Variants in ERAP1 observed in about 807,000 individuals in gnomAD.
ERAP1 encodes the protein endoplasmic reticulum aminopeptidase 1.
In ERAP1, 86 loss-of-function variants were observed where a neutral mutation model predicts 103.7. The ratio of observed to expected loss-of-function variants is 0.83; its 90% CI spans 0.70 to 0.99. The LOEUF is 0.99. Among genes scored for constraint, ERAP1 ranks in the 50% least tolerant of loss-of-function variants. The probability of loss-of-function intolerance (pLI) is 0.00; values close to 1 mark genes in which losing one functional copy is unlikely to be tolerated. For missense variants in ERAP1, 1,009 were observed against 1,128.4 expected (o/e 0.89, Z 1.52); for synonymous variants, 398 against 402.4 (o/e 0.99, Z 0.13).
the ERAP1 span, chr5:96,883,857 C>A: frequency 1.9e-6 from 3 of 1,613,724 alleles, no homozygotes; most frequent in South Asian, 1.1e-5. Context: ...TTTGATGAAC[C>A]GTTGTTCAAA....
intron 19 of ERAP1, chr5:96,763,355 T>A: frequency 1.4e-6 from 1 of 708,906 alleles, no homozygotes; most frequent in Non-Finnish European, 2.6e-6. Flanking sequence ...TGTGTGTGTA[T>A]GTGCATGTGC....
the ERAP1 span, chr5:96,873,754 T>A: frequency 3.1e-6 from 1 of 320,076 alleles, no homozygotes; most frequent in Non-Finnish European, 6.2e-6. Flanking sequence ...GTTGAGGGTC[T>A]CTTATATGGC....
the ERAP1 span, among the ~76,000 whole-genome samples, chr5:96,879,343 C>T: frequency 6.6e-6 from 1 of 152,186 alleles, no homozygotes; most frequent in Non-Finnish European, 1.5e-5. Context: ...AAATTCATTA[C>T]ATTCAATTTT....
the ERAP1 span, among the ~76,000 whole-genome samples, chr5:96,928,859 T>A: frequency 6.6e-6 from 1 of 152,162 alleles, no homozygotes; most frequent in Non-Finnish European, 1.5e-5. Flanking sequence ...AAGCTGGTGA[T>A]CAGCAGCTTC....
the ERAP1 span, among the ~76,000 whole-genome samples, chr5:96,903,901 A>T: frequency 6.6e-6 from 1 of 152,204 alleles, no homozygotes; most frequent in Non-Finnish European, 1.5e-5. Flanking sequence ...TCTTTAGGCC[A>T]GGCCTACTTT....
At chr5:96,771,526 G>A, downstream of ERAP1, 3 of 661,544 alleles carry the variant, frequency 4.5e-6, no homozygotes, top group Non-Finnish European at 7.9e-6. Flanking sequence ...GAAACTGAAA[G>A]GACCATCTTA....
the ERAP1 span, chr5:96,873,669 C>A: frequency 6.1e-6 from 2 of 325,988 alleles, no homozygotes; most frequent in South Asian, 2.4e-5. Context: ...AAGTGTTGGG[C>A]AATCTAAGGA....
chr5:96,896,720 T>A, the ERAP1 span: 1 of 1,560,812 alleles, frequency 6.4e-7, no homozygotes, highest in East Asian at 2.3e-5. Flanking sequence ...ACTCTTTTGT[T>A]TTTTTTTAAA....
the ERAP1 span, among the ~76,000 whole-genome samples, chr5:96,882,346 G>T: frequency 1.2e-4 from 19 of 152,266 alleles, no homozygotes; most frequent in East Asian, 2.7e-3. Context: ...AAAGCTGTAG[G>T]ACTTTCCAGC....
At chr5:96,892,347 GCCTCATT>G in the ERAP1 span, 1 of 1,613,888 alleles carries the variant, frequency 6.2e-7, no homozygotes, top group Non-Finnish European at 8.5e-7. Flanking sequence ...GAAAATTGGG[GCCTCATT>G]ACATATAGGG....
chr5:96,882,794 C>T, the ERAP1 span, among the ~76,000 whole-genome samples: 1 of 152,198 alleles, frequency 6.6e-6, no homozygotes, highest in Admixed American at 6.5e-5. Flanking sequence ...GTTTCCCAGC[C>T]TGTGTCATAG....
intron 1 of ERAP1, among the ~76,000 whole-genome samples, chr5:96,806,942 C>T (rs1283831344): frequency 6.7e-6 from 1 of 148,764 alleles, no homozygotes; most frequent in Non-Finnish European, 1.5e-5. Context: ...CAAGAGACAA[C>T]TGTGCCCAAT....
At chr5:96,912,950 C>A in the ERAP1 span, 1 of 641,424 alleles carries the variant, frequency 1.6e-6, no homozygotes, top group Non-Finnish European at 2.6e-6. Context: ...AATATATTGA[C>A]AAAATGCAAA....
Position 96,803,477 on chromosome 5 carries a change from GTGAATGACAAC to G in ERAP1, c.439_449del (p.Val147LeufsTer33). ...AAGTCTCCGAAAGATTGCCAGCATAGTGAATGACAACTGTGTACGGGAGCCCGACAAGGAGG... is the reference window on the plus strand; with the variant it reads ...AAGTCTCCGAAAGATTGCCAGCATAGTGTGTACGGGAGCCCGACAAGGAGG... On this transcript the variant is annotated frameshift_variant, in exon 2 of 19. Transcript: ENST00000443439. LOFTEE classifies it high-confidence loss of function. 6.2e-7 allele frequency: 1 copy of G among 1,613,504 alleles called. No individual in the cohort carries two copies. Among genetic ancestry groups the G allele is most frequent in the South Asian group, 1.1e-5 (1 of 90,938 alleles).
chr5:96,911,734 A>G, the ERAP1 span, among the ~76,000 whole-genome samples: 2 of 151,740 alleles, frequency 1.3e-5, no homozygotes, highest in Non-Finnish European at 2.9e-5. Context: ...TTAGCCGGGC[A>G]TGGTGCTATG....
the ERAP1 span, among the ~76,000 whole-genome samples, chr5:96,831,299 C>T: frequency 6.6e-6 from 1 of 152,152 alleles, no homozygotes; most frequent in Non-Finnish European, 1.5e-5. Context: ...AAGGTGCTAA[C>T]ACATTCATGA....
the ERAP1 span, among the ~76,000 whole-genome samples, chr5:96,815,120 G>T: frequency 6.6e-6 from 1 of 152,218 alleles, no homozygotes; most frequent in Admixed American, 6.5e-5. Context: ...GGTTGGATCA[G>T]CCAAAGATGT....
intron 3 of ERAP1, among the ~76,000 whole-genome samples, chr5:96,798,193 C>T (rs1777559918): frequency 6.6e-6 from 1 of 151,804 alleles, no homozygotes; most frequent in South Asian, 2.1e-4. Flanking sequence ...GGCGTGGTGG[C>T]AGGTGCCTGT....
At chr5:96,910,392 CAAGTT>C in the ERAP1 span, 1 of 149,838 alleles carries the variant, frequency 6.7e-6, no homozygotes, top group African/African-American at 2.5e-5. Context: ...AAAAGTAATT[CAAGTT>C]TTCTTCTTTT....
Sources: allele counts gnomAD v4.1 joint callset (sites outside exome capture counted in the v4.1 genomes callset), GRCh38; gene constraint gnomAD v4.1.1; transcripts MANE v1.5; gene names NCBI Gene and HGNC (gene_info 2026-07-23, HGNC 2026-07-21).